The following PLCG1 variants were observed in gnomAD, a reference collection of about 807,000 sequenced individuals.
PLCG1 encodes the protein phospholipase C gamma 1, also known as 1-phosphatidylinositol 4,5-bisphosphate phosphodiesterase gamma-1.
Under a neutral mutation model 177.8 loss-of-function variants are expected in PLCG1, and 71 were observed. The observed-to-expected ratio is 0.40, with a 90% CI of 0.33 to 0.49. PLCG1 has a LOEUF of 0.49. Among genes scored for constraint, PLCG1 ranks in the 20% least tolerant of loss-of-function variants. PLCG1 has a pLI of 0.72. For missense variants in PLCG1, 1,281 were observed against 1,709.0 expected (o/e 0.75, Z 4.42); for synonymous variants, 658 against 647.9 (o/e 1.02, Z -0.24).
At position 41,137,583 on chromosome 20, in the gene PLCG1, G is replaced by C; in HGVS notation, c.-59G>C. ...CTCAGCCCCAACCTCAGCCGCCGCC[G>C]TTGCGCTTGCTCCCGGGCGGTCCTG... On this transcript the variant is annotated 5_prime_UTR_variant, in exon 1 of 32. Coordinates refer to ENST00000685551, the MANE Select transcript of PLCG1 (RefSeq NM_002660.3). The surrounding 1 kb of genome is among the most constrained non-coding windows in gnomAD (Gnocchi z 7.3). 1 of 1,097,084 alleles carries C rather than the reference G, an allele frequency of 9.1e-7. No homozygotes were observed. Among genetic ancestry groups the C allele is most frequent in the Non-Finnish European group, 1.2e-6 (1 of 857,436 alleles). 68.0% of individuals were successfully genotyped at this position (1,097,084 alleles called of 1,614,324 possible). A position where few individuals can be genotyped will look rare whatever the true frequency, so the allele number is the denominator to read the frequency against.
rs6029557 is a variant in PLCG1, at chr20:41,172,372, C to T, written c.2906-49C>T. 1.5e-3 allele frequency: 2,333 copies of T among 1,586,908 alleles called. 23 individuals carry two copies. In the African/African-American group the frequency reaches 0.028, roughly 19 times the overall value. Reference sequence around the variant, plus strand: ...AAAGAGTATTTAGGTATCCCCCCAACACTTCCTGGGTGGGCGGGCTCTGTA... The same window carrying T: ...AAAGAGTATTTAGGTATCCCCCCAATACTTCCTGGGTGGGCGGGCTCTGTA... On this transcript the variant is annotated intron_variant, in intron 25 of 31. Coordinates refer to ENST00000685551, the MANE Select transcript of PLCG1 (RefSeq NM_002660.3). The surrounding 1 kb of genome is among the most constrained non-coding windows in gnomAD (Gnocchi z 7.0).
rs1357719724 is a variant in PLCG1 at position 41,167,365 on chromosome 20, G to A, written c.2302-487G>A. On this transcript the variant is annotated intron_variant, in intron 19 of 31. Coordinates refer to ENST00000685551, the MANE Select transcript of PLCG1 (RefSeq NM_002660.3). The surrounding 1 kb of genome is among the most constrained non-coding windows in gnomAD (Gnocchi z 4.4). ...GAAGGGGTCTAGGACCAGAAGATCA[G>A]TTGAGAGACTGCTGTCGTCAGTAGA... 6.6e-6 allele frequency among the ~76,000 whole-genome samples: 1 copy of A among 152,218 alleles called. No homozygotes were observed. The highest frequency in any genetic ancestry group is 6.5e-5 in the Admixed American group (1 of 15,286).
rs1327386706 is a variant in PLCG1, at chr20:41,167,003, G to A, written c.2301+144G>A. The A allele has an allele frequency of 8.4e-5, 61 of 727,566 alleles. No homozygotes were observed. The highest frequency in any genetic ancestry group is 1.2e-5 in the Non-Finnish European group (5 of 423,538). The allele number at this position is 727,566 out of a possible 1,614,324, so 45.1% of individuals were successfully genotyped here. A position where few individuals can be genotyped will look rare whatever the true frequency, so the allele number is the denominator to read the frequency against. ...CCCCTGACTCCAGCTGGGAGCCACA[G>A]TGTGGGTACCAGGAGGGTGTCTGCA... On this transcript the variant is annotated intron_variant, in intron 19 of 31. Coordinates refer to ENST00000685551, the MANE Select transcript of PLCG1 (RefSeq NM_002660.3). This position sits in a 1 kb window ranked among gnomAD's most constrained non-coding sequence, Gnocchi z 4.4.
Position 41,163,561 on chromosome 20 carries a change from C to CA in PLCG1, c.891+82_891+83insA. The CA allele has an allele frequency of 8.8e-7, 1 of 1,142,400 alleles. No individual in the cohort carries two copies. Among genetic ancestry groups the CA allele is most frequent in the Non-Finnish European group, 1.3e-6 (1 of 756,512 alleles). The allele number at this position is 1,142,400 out of a possible 1,614,324, so 70.8% of individuals were successfully genotyped here. The stretch of plus-strand genomic sequence containing the variant: ...CCCCACCCGGGCTCCAGGAGCTAGA[C>CA]GCTCCTTAGGGATGCCACCTTGTTT... On this transcript the variant is annotated intron_variant, in intron 9 of 31. Transcript: ENST00000685551. The surrounding 1 kb of genome is among the most constrained non-coding windows in gnomAD (Gnocchi z 5.2).
chr20:41,155,754 A>G (rs904080022), intron 1 of PLCG1, among the ~76,000 whole-genome samples: 2 of 152,166 alleles, frequency 1.3e-5, no homozygotes, highest in South Asian at 4.1e-4. Context: ...CAATGGCACT[A>G]GGCACACAGG....
At chr20:41,155,519 G>A (rs534689064) in intron 1 of PLCG1, among the ~76,000 whole-genome samples, 12 of 152,308 alleles carry the variant, frequency 7.9e-5, no homozygotes, top group Admixed American at 4.6e-4. Context: ...AGGAAGCAGC[G>A]TGTCTGCATA....
Position 41,163,360 on chromosome 20 carries a change from C to A in PLCG1, c.790-18C>A. ...GACTGGAGGCTTCTCTCATCCCCTG[C>A]CCTCCCTACCCCATCAGGAGCTGTG... On this transcript the variant is annotated intron_variant, in intron 8 of 31. Transcript: ENST00000685551. The surrounding 1 kb of genome is among the most constrained non-coding windows in gnomAD (Gnocchi z 5.2). 6.2e-7 allele frequency: 1 copy of A among 1,605,502 alleles called. No individual in the cohort carries two copies. Among genetic ancestry groups the A allele is most frequent in the Non-Finnish European group, 8.5e-7 (1 of 1,172,270 alleles).
intron 4 of PLCG1, among the ~76,000 whole-genome samples, chr20:41,161,396 G>A (rs997468280): frequency 2.6e-5 from 4 of 152,182 alleles, no homozygotes; most frequent in Non-Finnish European, 4.4e-5. Flanking sequence ...GGCAGTAGCT[G>A]GAGAGCTAAG....
rs1368209606 is a variant in PLCG1, at chr20:41,144,565, C to T, written c.217+6707C>T. ...GGGGGTGGGACACAGAAGAGCCTCA[C>T]CCTCTTGACTTTCTGGTTTGTGGTG... On this transcript the variant is annotated intron_variant, in intron 1 of 31. Coordinates refer to ENST00000685551, the MANE Select transcript of PLCG1 (RefSeq NM_002660.3). This position sits in a 1 kb window ranked among gnomAD's most constrained non-coding sequence, Gnocchi z 4.1. Among the ~76,000 whole-genome samples the T allele has an allele frequency of 6.6e-6, 1 of 152,196 alleles. No individual in the cohort carries two copies. The highest frequency in any genetic ancestry group is 1.5e-5 in the Non-Finnish European group (1 of 68,042).
chr20:41,162,667 T>G lies in PLCG1; in HGVS notation c.623T>G (p.Ile208Ser). Residue 208 changes from isoleucine (I) to serine (S), a missense_variant, in exon 6 of 32, where the codon ATC (isoleucine) becomes AGC (serine). Ile to Ser is a moderately radical substitution (Grantham distance 142). Around this residue, in one of 4 missense-constraint regions of PLCG1, gnomAD observed 374 missense variants for 443.8 expected, o/e 0.84. Coordinates refer to ENST00000685551, the MANE Select transcript of PLCG1 (RefSeq NM_002660.3). ...GACCTGGAGCAGCGCAGCGGGGACA[T>G]CACCTACGGGCAGTTTGCTCAGCTG... ...LTDLEQRSGD[I>S]TYGQFAQLYR... 2 of 1,613,992 alleles carry G rather than the reference T, an allele frequency of 1.2e-6. No homozygotes were observed. Among genetic ancestry groups the G allele is most frequent in the Non-Finnish European group, 1.7e-6 (2 of 1,179,944 alleles).
In PLCG1 at chr20:41,150,131, A is replaced by C. The variant is rs971651979; in HGVS notation, c.218-9475A>C. Among the ~76,000 whole-genome samples, 3 of 152,162 alleles carry C rather than the reference A, an allele frequency of 2.0e-5. No homozygotes were observed. The highest frequency in any genetic ancestry group is 7.2e-5 in the African/African-American group (3 of 41,430). On this transcript the variant is annotated intron_variant, in intron 1 of 31. Coordinates refer to ENST00000685551, the MANE Select transcript of PLCG1 (RefSeq NM_002660.3). This position sits in a 1 kb window ranked among gnomAD's most constrained non-coding sequence, Gnocchi z 4.0. The stretch of plus-strand genomic sequence containing the variant: ...CTGCACCTGGGGAGGTAGAGGCTAC[A>C]GTGAGCCCTGTTGGTGCCACTGCAC...
rs746975026 is a variant in PLCG1 at position 41,166,778 on chromosome 20, C to T, written c.2220C>T (p.Tyr740=). 2.5e-6 allele frequency: 4 copies of T among 1,614,078 alleles called. No homozygotes were observed. In the South Asian group the frequency reaches 3.3e-5, roughly 13 times the overall value. ...ACAGCCTTGTTGACCTCATCAGCTA[C>T]TATGAGAAACACCCGCTATACCGCA... ...EFDSLVDLIS[Y]YEKHPLYRKM... Residue 740 remains tyrosine (Y), a synonymous_variant, in exon 19 of 32, where the codon TAC becomes TAT. Coordinates refer to ENST00000685551, the MANE Select transcript of PLCG1 (RefSeq NM_002660.3). The surrounding 1 kb of genome is among the most constrained non-coding windows in gnomAD (Gnocchi z 8.6).
intron 1 of PLCG1, among the ~76,000 whole-genome samples, chr20:41,140,225 C>T (rs1186133860): frequency 6.6e-6 from 1 of 152,140 alleles, no homozygotes; most frequent in East Asian, 1.9e-4. Context: ...TTTGGGGGCT[C>T]AGATTGAAAA....
At position 41,177,402 on chromosome 20, in the gene PLCG1, AG is replaced by A. The variant is rs2146073237; in HGVS notation, c.*2897del. 2 of 152,380 alleles carry A rather than the reference AG, an allele frequency of 1.3e-5. No homozygotes were observed. Among genetic ancestry groups the A allele is most frequent in the South Asian group, 4.1e-4 (2 of 4,828 alleles). The allele number at this position is 152,380 out of a possible 1,614,324, so 9.4% of individuals were successfully genotyped here. A position where few individuals can be genotyped will look rare whatever the true frequency, so the allele number is the denominator to read the frequency against. Reference sequence around the variant, plus strand: ...ATCTGTGGCCATGAGCAGAAAAGGCAGGGGTCTGCCTCCTGACCAAGCACAT... The same window carrying A: ...ATCTGTGGCCATGAGCAGAAAAGGCAGGGTCTGCCTCCTGACCAAGCACAT... On this transcript the variant is annotated 3_prime_UTR_variant, in exon 32 of 32. Transcript: ENST00000685551.
Position 41,159,789 on chromosome 20 carries a change from G to A in PLCG1, c.370+31G>A. The A allele has an allele frequency of 6.2e-7, 1 of 1,614,128 alleles. No individual in the cohort carries two copies. The highest frequency in any genetic ancestry group is 8.5e-7 in the Non-Finnish European group (1 of 1,179,964). On this transcript the variant is annotated intron_variant, in intron 2 of 31. Coordinates refer to ENST00000685551, the MANE Select transcript of PLCG1 (RefSeq NM_002660.3). The surrounding 1 kb of genome is among the most constrained non-coding windows in gnomAD (Gnocchi z 6.0). ...AGTTAAGGGGGTAGAGGAGGTAGAG[G>A]ATAGTTAGGGGAATGCCTGCTGGCT...
chr20:41,161,943 C>T (rs2035512286), intron 4 of PLCG1, among the ~76,000 whole-genome samples: 2 of 152,102 alleles, frequency 1.3e-5, no homozygotes, highest in South Asian at 4.1e-4. Context: ...GCATGCACCT[C>T]CTCCTTCCTC....
rs2035755784 is a variant in PLCG1, at chr20:41,167,880, G to C, written c.2330G>C (p.Gly777Ala). Residue 777 changes from glycine to alanine, a missense_variant, in exon 20 of 32, where the codon GGA (glycine) becomes GCA (alanine). This residue lies in a region of PLCG1 where 723 missense variants were observed against 1,030.0 expected (regional missense o/e 0.70). Coordinates refer to ENST00000685551, the MANE Select transcript of PLCG1 (RefSeq NM_002660.3). This position sits in a 1 kb window ranked among gnomAD's most constrained non-coding sequence, Gnocchi z 4.4. ...CCTGACTACGGGGCCCTGTATGAGG[G>C]ACGCAACCCTGGCTTCTATGTAGAG... Reference protein sequence around the residue: ...AEPDYGALYEGRNPGFYVEAN... With the variant: ...AEPDYGALYEARNPGFYVEAN... 1 of 1,613,726 alleles carries C rather than the reference G, an allele frequency of 6.2e-7. No homozygotes were observed. The highest frequency in any genetic ancestry group is 1.1e-5 in the South Asian group (1 of 91,070).
Position 41,142,084 on chromosome 20 carries a change from G to A in PLCG1, c.217+4226G>A, listed in dbSNP as rs35435058. On this transcript the variant is annotated intron_variant, in intron 1 of 31. Coordinates refer to ENST00000685551, the MANE Select transcript of PLCG1 (RefSeq NM_002660.3). Reference sequence around the variant, plus strand: ...GGTTTGTGCCATTGATGAACTCTTGGAAAAGACAGATGTAGAGGCATATGA... The same window carrying A: ...GGTTTGTGCCATTGATGAACTCTTGAAAAAGACAGATGTAGAGGCATATGA... 4.6e-3 allele frequency among the ~76,000 whole-genome samples: 698 copies of A among 152,350 alleles called. 3 individuals are homozygous for A. The highest frequency in any genetic ancestry group is 8.0e-3 in the Admixed American group (123 of 15,308).
chr20:41,163,946 A>G lies in PLCG1; in HGVS notation c.1036A>G (p.Ser346Gly). 6.2e-7 allele frequency: 1 copy of G among 1,614,074 alleles called. No individual in the cohort carries two copies. The highest frequency in any genetic ancestry group is 8.5e-7 in the Non-Finnish European group (1 of 1,180,006). ...NTYLTGDQFS[S>G]ESSLEAYARC... is the part of the protein sequence containing the mutation. ...GTACCTGACCGGGGACCAGTTCTCCAGTGAGTCCTCCTTGGAAGCCTATGC... is the reference window on the plus strand; with the variant it reads ...GTACCTGACCGGGGACCAGTTCTCCGGTGAGTCCTCCTTGGAAGCCTATGC... The change falls in exon 11 of 32, where the codon AGT becomes GGT. Residue 346 changes from serine (S) to glycine (G), a missense_variant. Ser to Gly is a moderately conservative substitution (Grantham distance 56). Around this residue, in one of 4 missense-constraint regions of PLCG1, gnomAD observed 31 missense variants for 82.1 expected, o/e 0.38. Transcript: ENST00000685551. This position sits in a 1 kb window ranked among gnomAD's most constrained non-coding sequence, Gnocchi z 5.2.
Sources: allele counts gnomAD v4.1 joint callset (sites outside exome capture counted in the v4.1 genomes callset), GRCh38; gene constraint gnomAD v4.1.1; regional missense constraint gnomAD v4.1.1; non-coding constraint Gnocchi (gnomAD v3.1); transcripts MANE v1.5; gene names NCBI Gene and HGNC (gene_info 2026-07-23, HGNC 2026-07-21).